Variants in TMEM120B observed in about 807,000 individuals in gnomAD.
The protein encoded by TMEM120B is transmembrane protein 120B.
A neutral mutation model predicts 55.5 loss-of-function variants in TMEM120B; 31 were observed. The observed-to-expected ratio is 0.56, with a 90% confidence interval of 0.42 to 0.75. The LOEUF is 0.75. Among genes scored for constraint, TMEM120B ranks in the 30% least tolerant of loss-of-function variants. TMEM120B has a pLI of 0.00. For missense variants in TMEM120B, 399 were observed against 425.5 expected, an observed-to-expected ratio of 0.94 and a Z score of 0.55; for synonymous variants, 203 against 176.3, an observed-to-expected ratio of 1.15 and a Z score of -1.20.
rs905114617 is a variant in TMEM120B at position 121,726,748 on chromosome 12, A to T, written c.69+13784A>T. ...GGTGAAACTCTGTCTCTACTAAAAA[A>T]ATACAAAAATTAGCCAGGCATGGAG... is the stretch of plus-strand genomic sequence containing the variant. On this transcript the variant is annotated intron_variant, in intron 1 of 11. Transcript: ENST00000449592. Among the ~76,000 whole-genome samples the T allele has an allele frequency of 3.3e-5, 5 of 151,658 alleles. No homozygotes were observed. In the East Asian group the frequency reaches 9.7e-4, roughly 29 times the overall value.
intron 6 of TMEM120B, among the ~76,000 whole-genome samples, chr12:121,767,082 T>G (rs1873873053): frequency 6.6e-6 from 1 of 151,968 alleles, no homozygotes; most frequent in Non-Finnish European, 1.5e-5. Flanking sequence ...ATGCTGTCCC[T>G]ACGTCTGGCC....
At chr12:121,765,124 TC>T (rs1397079054) in intron 6 of TMEM120B, among the ~76,000 whole-genome samples, 1 of 149,184 alleles carries the variant, frequency 6.7e-6, no homozygotes, top group African/African-American at 2.5e-5. Context: ...TTCTTTCTTT[TC>T]TTTCTTTTTT....
At position 121,775,044 on chromosome 12, in the gene TMEM120B, G is replaced by T. The variant is rs781566663; in HGVS notation, c.838-18G>T. 6.2e-7 allele frequency: 1 copy of T among 1,612,668 alleles called. No individual in the cohort carries two copies. The highest frequency in any genetic ancestry group is 8.5e-7 in the Non-Finnish European group (1 of 1,179,698). On this transcript the variant is annotated intron_variant, in intron 10 of 11. Transcript: ENST00000449592. The surrounding 1 kb of genome is among the most constrained non-coding windows in gnomAD (Gnocchi z 4.3). ...CAGGGGAGTCTGGTGGGTGAGCAGCGCCTGCCTTCCTCTCCAGTTCTGGCA... is the reference window on the plus strand; with the variant it reads ...CAGGGGAGTCTGGTGGGTGAGCAGCTCCTGCCTTCCTCTCCAGTTCTGGCA...
chr12:121,748,410 C>G lies in TMEM120B; in HGVS notation c.273C>G (p.Phe91Leu). ...ANIKERQDVF[F>L]DMEAYLPKKN... ...TCAAGGAGCGGCAGGACGTCTTCTTCGACATGGAGGCCTACCTGCCCAAGA... is the reference window on the plus strand; with the variant it reads ...TCAAGGAGCGGCAGGACGTCTTCTTGGACATGGAGGCCTACCTGCCCAAGA... The change falls in exon 3 of 12, where the codon TTC becomes TTG. Residue 91 changes from phenylalanine (F) to leucine (L), a missense_variant. Physicochemically the swap from Phe to Leu is conservative, Grantham distance 22. Coordinates refer to ENST00000449592, the MANE Select transcript of TMEM120B (RefSeq NM_001080825.2). 1 of 1,610,778 alleles carries G rather than the reference C, an allele frequency of 6.2e-7. No individual in the cohort carries two copies. The highest frequency in any genetic ancestry group is 8.5e-7 in the Non-Finnish European group (1 of 1,178,532).
chr12:121,750,905 AC>A (rs1873283122), intron 4 of TMEM120B, among the ~76,000 whole-genome samples: 1 of 44,992 alleles, frequency 2.2e-5, no homozygotes, highest in African/African-American at 8.8e-5. Flanking sequence ...CCACACCCAC[AC>A]CCCACACCCC....
chr12:121,776,169 C>T lies in TMEM120B; in HGVS notation c.*447C>T, dbSNP rs1874240207. ...CCTCAGTGTCCTGTGGCGCCCCCAC[C>T]CCGGGGCCACTCTGCTTCTGCTGTG... On this transcript the variant is annotated 3_prime_UTR_variant, in exon 12 of 12. Coordinates refer to ENST00000449592, the MANE Select transcript of TMEM120B (RefSeq NM_001080825.2). 5.8e-6 allele frequency: 2 copies of T among 346,510 alleles called. No homozygotes were observed. The highest frequency in any genetic ancestry group is 1.7e-4 in the South Asian group (2 of 11,686). The allele number at this position is 346,510 out of a possible 1,614,324, so 21.5% of individuals were successfully genotyped here. A position where few individuals can be genotyped will look rare whatever the true frequency, so the allele number is the denominator to read the frequency against.
intron 5 of TMEM120B, chr12:121,759,107 CAT>C: frequency 3.7e-6 from 3 of 807,478 alleles, no homozygotes; most frequent in Non-Finnish European, 4.4e-6. Context: ...TAAAATAGAA[CAT>C]AGAGTGTCTA....
rs35523686 is a variant in TMEM120B, at chr12:121,726,035, C to CAAA, written c.69+13082_69+13084dup. ...CTGGGCAACAAGCGAGACTCTGTCT[C>CAAA]AAAAAAAAAAAAACAAAAAAAAAAC... On this transcript the variant is annotated intron_variant, in intron 1 of 11. Transcript: ENST00000449592. Among the ~76,000 whole-genome samples, 314 of 126,378 alleles carry CAAA rather than the reference C, an allele frequency of 2.5e-3. 6 individuals carry two copies. The highest frequency in any genetic ancestry group is 9.3e-3 in the East Asian group (40 of 4,314). The allele number at this position is 126,378 out of a possible 152,430, so 82.9% of individuals were successfully genotyped here.
intron 5 of TMEM120B, among the ~76,000 whole-genome samples, chr12:121,755,078 G>C (rs1873440851): frequency 6.6e-6 from 1 of 152,170 alleles, no homozygotes; most frequent in Non-Finnish European, 1.5e-5. Context: ...CCGTTGTTTT[G>C]GGCTAAGACT....
At chr12:121,751,244 C>T (rs1217779965) in intron 4 of TMEM120B, among the ~76,000 whole-genome samples, 2 of 123,406 alleles carry the variant, frequency 1.6e-5, no homozygotes, top group African/African-American at 3.1e-5. Flanking sequence ...CCCATTCACA[C>T]CCCACACCTA....
chr12:121,763,483 G>GCCTA (rs1405149023), intron 6 of TMEM120B, among the ~76,000 whole-genome samples: 1 of 151,604 alleles, frequency 6.6e-6, no homozygotes, highest in Non-Finnish European at 1.5e-5. Context: ...TTGTTCTGTG[G>GCCTA]CCTAGACTGG....
intron 5 of TMEM120B, among the ~76,000 whole-genome samples, chr12:121,757,942 T>C (rs1204790615): frequency 6.6e-6 from 1 of 152,240 alleles, no homozygotes; most frequent in Admixed American, 6.5e-5. Flanking sequence ...CGCAAGCCAC[T>C]GTGCCCAGCC....
intron 5 of TMEM120B, among the ~76,000 whole-genome samples, chr12:121,761,332 C>T (rs184017614): frequency 7.7e-4 from 118 of 152,260 alleles, no homozygotes; most frequent in African/African-American, 2.7e-3. Flanking sequence ...AATTTCACAT[C>T]ACATGGGAAG....
intron 1 of TMEM120B, among the ~76,000 whole-genome samples, chr12:121,740,008 A>G (rs1192687870): frequency 6.6e-6 from 1 of 150,878 alleles, no homozygotes; most frequent in Non-Finnish European, 1.5e-5. Flanking sequence ...CAAACTCCTG[A>G]CCTCAGGTGA....
intron 1 of TMEM120B, among the ~76,000 whole-genome samples, chr12:121,742,672 G>A (rs1332751605): frequency 1.3e-5 from 2 of 149,810 alleles, no homozygotes; most frequent in Non-Finnish European, 3.0e-5. Flanking sequence ...TGCAACCTCC[G>A]CCCCCTGGGT....
intron 1 of TMEM120B, among the ~76,000 whole-genome samples, chr12:121,730,980 C>T (rs1894992453): frequency 1.3e-5 from 2 of 151,726 alleles, no homozygotes; most frequent in African/African-American, 4.8e-5. Context: ...AGAAAAGACA[C>T]ATACTGTATG....
At position 121,752,205 on chromosome 12, in the gene TMEM120B, G is replaced by T. The variant is rs201834940; in HGVS notation, c.443G>T (p.Arg148Leu). The part of the protein sequence containing the change: ...IILLLGAVAC[R>L]FVLHYRVTDE... ...CTGCTCCTGGGTGCCGTGGCATGTC[G>T]ATTTGTCCTTCACTACAGGTAGTGG... The change falls in exon 5 of 12, where the codon CGA becomes CTA. Residue 148 changes from arginine (R) to leucine (L), a missense_variant. Transcript: ENST00000449592. 3.6e-5 allele frequency: 58 copies of T among 1,613,650 alleles called. No individual in the cohort carries two copies. Among genetic ancestry groups the T allele is most frequent in the Admixed American group, 2.0e-4 (12 of 59,990 alleles).
At chr12:121,757,143 G>A (rs535303499) in intron 5 of TMEM120B, among the ~76,000 whole-genome samples, 8 of 145,318 alleles carry the variant, frequency 5.5e-5, no homozygotes, top group Admixed American at 2.0e-4. Flanking sequence ...TGGGCGGTGG[G>A]GGGGGGGGGT....
At position 121,716,473 on chromosome 12, in the gene TMEM120B, G is replaced by T. The variant is rs189798161; in HGVS notation, c.69+3509G>T. 4.0e-4 allele frequency among the ~76,000 whole-genome samples: 61 copies of T among 151,650 alleles called. 1 individual carries two copies. Among genetic ancestry groups the T allele is most frequent in the South Asian group, 1.5e-3 (7 of 4,790 alleles). The stretch of plus-strand genomic sequence containing the variant: ...CATCTTCCTTAGAATCCGGGTTGAG[G>T]GTTTCATATTTGTATCTCATTGATT... On this transcript the variant is annotated intron_variant, in intron 1 of 11. Coordinates refer to ENST00000449592, the MANE Select transcript of TMEM120B (RefSeq NM_001080825.2).
Sources: allele counts gnomAD v4.1 joint callset (sites outside exome capture counted in the v4.1 genomes callset), GRCh38; gene constraint gnomAD v4.1.1; non-coding constraint Gnocchi (gnomAD v3.1); transcripts MANE v1.5; gene names NCBI Gene and HGNC (gene_info 2026-07-23, HGNC 2026-07-21).